AK9: variants seen among roughly 807,000 people sequenced by gnomAD.
The protein encoded by AK9 is adenylate kinase domain containing 1.
A neutral mutation model predicts 239.6 loss-of-function variants in AK9; 191 were observed. That is an observed-to-expected ratio of 0.80 (90% CI 0.71 to 0.90). The LOEUF is 0.90. Ranked by LOEUF, AK9 falls within the 40% of genes least tolerant of loss-of-function variation. The probability of loss-of-function intolerance (pLI) is 0.00; values close to 1 mark genes in which losing one functional copy is unlikely to be tolerated. For synonymous variants in AK9, 689 were observed against 721.0 expected (o/e 0.96, Z 0.71); for missense variants, 1,995 against 2,214.7 (o/e 0.90, Z 1.99).
intron 20 of AK9, among the ~76,000 whole-genome samples, chr6:109,578,451 C>T (rs1409759115): frequency 6.6e-6 from 1 of 152,036 alleles, no homozygotes; most frequent in Non-Finnish European, 1.5e-5. Context: ...ATCAATTTTG[C>T]TTATCTTTTC....
chr6:109,536,580 C>T (rs537105251), intron 27 of AK9, among the ~76,000 whole-genome samples: 16 of 152,048 alleles, frequency 1.1e-4, no homozygotes, highest in East Asian at 1.9e-4. Flanking sequence ...CTTTTCCTAA[C>T]TGAATACCAT....
Position 109,493,349 on chromosome 6 carries a change from G to C in AK9, c.*20C>G, listed in dbSNP as rs1224208112. 6.3e-7 allele frequency: 1 copy of C among 1,599,252 alleles called. No individual in the cohort carries two copies. ...CTTTCAGATAACTCTTGAGATTCAGGCTGCTATCACCTAAGTAAACTACCC... is the reference window on the plus strand; with the variant it reads ...CTTTCAGATAACTCTTGAGATTCAGCCTGCTATCACCTAAGTAAACTACCC... On this transcript the variant is annotated 3_prime_UTR_variant, in exon 41 of 41. Coordinates refer to ENST00000424296, the MANE Select transcript of AK9 (RefSeq NM_001145128.3).
chr6:109,603,912 C>T (rs916407934), intron 17 of AK9, among the ~76,000 whole-genome samples: 1 of 152,190 alleles, frequency 6.6e-6, no homozygotes, highest in Non-Finnish European at 1.5e-5. Context: ...TTTGCTAAGA[C>T]CATTGGAAAA....
chr6:109,546,575 T>A lies in AK9; in HGVS notation c.2965-448A>T, dbSNP rs185759522. Among the ~76,000 whole-genome samples the A allele has an allele frequency of 3.1e-3, 468 of 152,326 alleles. 3 individuals are homozygous for A. Among genetic ancestry groups the A allele is most frequent in the African/African-American group, 0.011 (456 of 41,574 alleles). On this transcript the variant is annotated intron_variant, in intron 25 of 40. Coordinates refer to ENST00000424296, the MANE Select transcript of AK9 (RefSeq NM_001145128.3). ...TGGATCATCCACGGGATGCTGAAAC[T>A]GTCAAGAACAATGGTGAGTACTGGA...
chr6:109,583,771 T>C (rs994906713), intron 19 of AK9, among the ~76,000 whole-genome samples: 1 of 152,084 alleles, frequency 6.6e-6, no homozygotes, highest in Non-Finnish European at 1.5e-5. Context: ...TTTTCCTTTT[T>C]AAAAAAAGTT....
chr6:109,549,888 T>A, intron 25 of AK9: 1 of 445,520 alleles, frequency 2.2e-6, no homozygotes, highest in Non-Finnish European at 4.0e-6. Flanking sequence ...ATGGTCTCGA[T>A]CTCCTGACCT....
intron 20 of AK9, among the ~76,000 whole-genome samples, chr6:109,576,934 G>A (rs1010987138): frequency 1.4e-4 from 21 of 151,584 alleles, no homozygotes; most frequent in African/African-American, 4.4e-4. Context: ...GGGTTCAAGC[G>A]ATTTTCCTGC....
intron 8 of AK9, among the ~76,000 whole-genome samples, chr6:109,652,595 T>C (rs1392746604): frequency 6.6e-6 from 1 of 152,258 alleles, no homozygotes; most frequent in Non-Finnish European, 1.5e-5. Flanking sequence ...CATATTCTTC[T>C]GCTGTTTGAC....
chr6:109,657,085 G>T (rs890122470), intron 7 of AK9, among the ~76,000 whole-genome samples: 2 of 152,146 alleles, frequency 1.3e-5, no homozygotes, highest in Non-Finnish European at 2.9e-5. Flanking sequence ...GCTTTAAATT[G>T]ACCTGGATAT....
At chr6:109,672,763 T>C (rs1262766270) in intron 3 of AK9, among the ~76,000 whole-genome samples, 1 of 152,192 alleles carries the variant, frequency 6.6e-6, no homozygotes, top group Non-Finnish European at 1.5e-5. Context: ...CTTGGATGCA[T>C]ATGTACTGTG....
chr6:109,673,779 C>G (rs1179299792), intron 3 of AK9, among the ~76,000 whole-genome samples: 2 of 151,754 alleles, frequency 1.3e-5, no homozygotes, highest in Non-Finnish European at 2.9e-5. Context: ...TTCATAAATG[C>G]TATGAACAAA....
intron 17 of AK9, among the ~76,000 whole-genome samples, chr6:109,593,926 C>T (rs1462796479): frequency 1.3e-5 from 2 of 152,142 alleles, no homozygotes; most frequent in Non-Finnish European, 2.9e-5. Flanking sequence ...TGGGCAAAAG[C>T]TGGAAGCATT....
chr6:109,522,505 A>AATTTTC lies in AK9; in HGVS notation c.3634-5864_3634-5863insGAAAAT, dbSNP rs1284354097. 6.6e-5 allele frequency among the ~76,000 whole-genome samples: 10 copies of AATTTTC among 151,688 alleles called. No individual in the cohort carries two copies. The East Asian group carries it at 1.9e-3, about 29-fold the overall frequency. Reference sequence around the variant, plus strand: ...GTTTTATATTTGAGAAACTTCTTGGACTTTTCCTTTTTCTCAATTTAACTT... The same window carrying AATTTTC: ...GTTTTATATTTGAGAAACTTCTTGGAATTTTCCTTTTCCTTTTTCTCAATTTAACTT... On this transcript the variant is annotated intron_variant, in intron 29 of 40. Transcript: ENST00000424296.
At position 109,585,136 on chromosome 6, in the gene AK9, CTTCT is replaced by C. The variant is rs776656230; in HGVS notation, c.2097_2100del (p.Glu700LysfsTer12). 5.8e-5 allele frequency: 68 copies of C among 1,164,472 alleles called. No homozygotes were observed. Among genetic ancestry groups the C allele is most frequent in the South Asian group, 3.7e-4 (19 of 50,746 alleles). 72.1% of individuals were successfully genotyped at this position (1,164,472 alleles called of 1,614,324 possible). A position where few individuals can be genotyped will look rare whatever the true frequency, so the allele number is the denominator to read the frequency against. On this transcript the variant is annotated frameshift_variant, in exon 19 of 41. Coordinates refer to ENST00000424296, the MANE Select transcript of AK9 (RefSeq NM_001145128.3). LOFTEE classifies it high-confidence loss of function. ...GGCAGATTTTACCTTGCTTCTTCTT[CTTCT>C]TTTTTTTTCTTTTGTAGTTCTTCTA...
At chr6:109,540,036 G>A (rs776767639) in intron 27 of AK9, among the ~76,000 whole-genome samples, 5 of 152,144 alleles carry the variant, frequency 3.3e-5, no homozygotes, top group Non-Finnish European at 7.3e-5. Context: ...TCCCAGTTAG[G>A]GTACTCGGGG....
intron 21 of AK9, among the ~76,000 whole-genome samples, chr6:109,566,084 G>A (rs1047616485): frequency 6.6e-6 from 1 of 152,004 alleles, no homozygotes; most frequent in African/African-American, 2.4e-5. Flanking sequence ...ATAGTTGGGG[G>A]TGAAGATCTA....
At chr6:109,685,112 C>T (rs192835683) in intron 1 of AK9, among the ~76,000 whole-genome samples, 93 of 152,044 alleles carry the variant, frequency 6.1e-4, no homozygotes, top group African/African-American at 7.7e-4. Context: ...GAAATAGAGA[C>T]GCTTTTACAC....
chr6:109,612,267 C>T (rs1250778534), intron 15 of AK9, among the ~76,000 whole-genome samples, 174 bp from the exon 16 acceptor site: 1 of 152,040 alleles, frequency 6.6e-6, no homozygotes, highest in Non-Finnish European at 1.5e-5. Flanking sequence ...AGATAATGAA[C>T]ATAATAACAA....
At chr6:109,688,010 T>C (rs747311997) in intron 1 of AK9, among the ~76,000 whole-genome samples, 1 of 152,164 alleles carries the variant, frequency 6.6e-6, no homozygotes, top group South Asian at 2.1e-4. Context: ...GGTTTGTAAA[T>C]GAAGTAGGCA....
Sources: allele counts gnomAD v4.1 joint callset (sites outside exome capture counted in the v4.1 genomes callset), GRCh38; gene constraint gnomAD v4.1.1; transcripts MANE v1.5; gene names NCBI Gene and HGNC (gene_info 2026-07-23, HGNC 2026-07-21).